Variants in KLHL1 observed in about 807,000 individuals in gnomAD.
The protein encoded by KLHL1 is kelch like family member 1.
KLHL1 carries 47 observed loss-of-function variants against 77.7 expected under a neutral mutation model. That is an observed-to-expected ratio of 0.60 (90% CI 0.48 to 0.77). The LOEUF (loss-of-function observed/expected upper bound fraction) is 0.77. Ranked by LOEUF, KLHL1 falls within the 30% of genes least tolerant of loss-of-function variation. The probability of loss-of-function intolerance (pLI) is 0.00; values close to 1 mark genes in which losing one functional copy is unlikely to be tolerated. For synonymous variants in KLHL1, 360 were observed against 325.2 expected (o/e 1.11, Z -1.15); for missense variants, 925 against 910.8 (o/e 1.02, Z -0.20).
intron 7 of KLHL1, among the ~76,000 whole-genome samples, chr13:69,753,015 T>C (rs1874554387): frequency 6.6e-6 from 1 of 152,132 alleles, no homozygotes. Context: ...ACTGGAGACT[T>C]TGCCTCTAGG....
chr13:70,073,038 G>A (rs1187870328), intron 1 of KLHL1, among the ~76,000 whole-genome samples: 1 of 152,114 alleles, frequency 6.6e-6, no homozygotes, highest in East Asian at 1.9e-4. Context: ...AATACCATTT[G>A]ACCCAGCCAT....
chr13:69,992,259 C>T (rs1885046026), intron 1 of KLHL1, among the ~76,000 whole-genome samples: 1 of 151,942 alleles, frequency 6.6e-6, no homozygotes, highest in South Asian at 2.1e-4. Flanking sequence ...TGCCTACTCT[C>T]AGGGCTGATA....
chr13:69,860,819 C>A (rs1880124857), intron 5 of KLHL1, among the ~76,000 whole-genome samples: 1 of 150,402 alleles, frequency 6.6e-6, no homozygotes. Context: ...TCATTAATTC[C>A]TAATTATAAT....
At chr13:69,885,166 T>C (rs1881167539) in intron 4 of KLHL1, among the ~76,000 whole-genome samples, 1 of 136,338 alleles carries the variant, frequency 7.3e-6, no homozygotes, top group African/African-American at 3.4e-5. Flanking sequence ...GGTCTCGATC[T>C]CCTGACCTCG....
chr13:70,103,593 G>A (rs933494260), intron 1 of KLHL1, among the ~76,000 whole-genome samples: 1 of 152,064 alleles, frequency 6.6e-6, no homozygotes, highest in Non-Finnish European at 1.5e-5. Context: ...GCTTAGATTA[G>A]GCGCAGACAA....
At chr13:69,837,074 T>G (rs1286372266) in intron 6 of KLHL1, among the ~76,000 whole-genome samples, 1 of 151,938 alleles carries the variant, frequency 6.6e-6, no homozygotes, top group African/African-American at 2.4e-5. Flanking sequence ...AGACAAAATT[T>G]TTTTGACAAG....
At chr13:69,751,835 G>A (rs563458855) in intron 7 of KLHL1, among the ~76,000 whole-genome samples, 2 of 152,198 alleles carry the variant, frequency 1.3e-5, no homozygotes, top group South Asian at 2.1e-4. Context: ...CGTGAGAGGT[G>A]ATAGTGTCTT....
chr13:69,780,697 T>TACATATATATATACATATATATATAC (rs1262158805), intron 7 of KLHL1, among the ~76,000 whole-genome samples: 2 of 16,508 alleles, frequency 1.2e-4, no homozygotes, highest in African/African-American at 8.5e-4. Context: ...TATATATATA[T>TACATATATATATACATATATATATAC]ATATGTATAT....
At chr13:70,086,941 G>T (rs759133298) in intron 1 of KLHL1, among the ~76,000 whole-genome samples, 3 of 152,086 alleles carry the variant, frequency 2.0e-5, no homozygotes, top group Non-Finnish European at 4.4e-5. Context: ...AAACAGTTTG[G>T]TAAAGCAATA....
At chr13:69,816,814 C>T (rs1034524886) in intron 6 of KLHL1, among the ~76,000 whole-genome samples, 5 of 151,810 alleles carry the variant, frequency 3.3e-5, no homozygotes, top group African/African-American at 9.7e-5. Flanking sequence ...AAAAATTAGC[C>T]GAGAGTGGTG....
intron 6 of KLHL1, among the ~76,000 whole-genome samples, chr13:69,814,215 C>G (rs1328206140): frequency 6.6e-6 from 1 of 152,194 alleles, no homozygotes; most frequent in East Asian, 1.9e-4. Flanking sequence ...AAACTGCACT[C>G]CTACCTCTCC....
intron 5 of KLHL1, among the ~76,000 whole-genome samples, chr13:69,850,734 G>GT (rs756846194): frequency 6.6e-6 from 1 of 151,626 alleles, no homozygotes; most frequent in Non-Finnish European, 1.5e-5. Flanking sequence ...CTGCTGTCTT[G>GT]TTTTAATTCC....
chr13:70,090,897 T>C (rs1887655877), intron 1 of KLHL1, among the ~76,000 whole-genome samples: 1 of 152,158 alleles, frequency 6.6e-6, no homozygotes, highest in Non-Finnish European at 1.5e-5. Context: ...AACACATCTA[T>C]GAAATATAAT....
In KLHL1 at chr13:69,768,610, A is replaced by G. The variant is rs138410459; in HGVS notation, c.1640-28054T>C. 1.2e-3 allele frequency among the ~76,000 whole-genome samples: 188 copies of G among 152,318 alleles called. No homozygotes were observed. The East Asian group carries it at 0.029, about 23-fold the overall frequency. On this transcript the variant is annotated intron_variant, in intron 7 of 10. Coordinates refer to ENST00000377844, the MANE Select transcript of KLHL1 (RefSeq NM_020866.3). ...AGAAAATTTTCTCTATGAAAAAATT[A>G]TACTGATTCTGCATTGTATTTAATT...
chr13:69,992,563 C>A (rs1885053242), intron 1 of KLHL1, among the ~76,000 whole-genome samples: 1 of 151,956 alleles, frequency 6.6e-6, no homozygotes, highest in South Asian at 2.1e-4. Flanking sequence ...GACCAAAACA[C>A]AGAAGGCCAA....
chr13:69,773,476 C>G (rs1875676065), intron 7 of KLHL1, among the ~76,000 whole-genome samples: 1 of 151,862 alleles, frequency 6.6e-6, no homozygotes, highest in African/African-American at 2.4e-5. Context: ...GAGTATGTTT[C>G]TTAAGGATGT....
At chr13:69,804,768 C>T (rs1054566616) in intron 6 of KLHL1, among the ~76,000 whole-genome samples, 4 of 152,086 alleles carry the variant, frequency 2.6e-5, no homozygotes, top group African/African-American at 9.7e-5. Flanking sequence ...ACCTAAAGGA[C>T]AGCTTGGCCT....
At chr13:69,846,321 G>A (rs1426898789) in intron 5 of KLHL1, among the ~76,000 whole-genome samples, 6 of 151,412 alleles carry the variant, frequency 4.0e-5, no homozygotes, top group Admixed American at 1.3e-4. Context: ...AATAACTGAT[G>A]CGTTATAGGG....
In KLHL1 at chr13:70,047,015, G is replaced by C. The variant is rs76304231; in HGVS notation, c.497+60188C>G. Among the ~76,000 whole-genome samples, 745 of 152,150 alleles carry C rather than the reference G, an allele frequency of 4.9e-3. 7 individuals are homozygous for C. The highest frequency in any genetic ancestry group is 0.017 in the African/African-American group (723 of 41,510). ...TCTTGTACTAGAAGTGTTGAATAGT[G>C]TGCTCAATACAATGCTTATCCTTGT... On this transcript the variant is annotated intron_variant, in intron 1 of 10. Transcript: ENST00000377844.
Sources: allele counts gnomAD v4.1 joint callset (sites outside exome capture counted in the v4.1 genomes callset), GRCh38; gene constraint gnomAD v4.1.1; transcripts MANE v1.5; gene names NCBI Gene and HGNC (gene_info 2026-07-23, HGNC 2026-07-21).